The following GALNT17 variants were observed in gnomAD, a reference collection of about 807,000 sequenced individuals.
GALNT17 encodes the protein polypeptide N-acetylgalactosaminyltransferase 17.
Under a neutral mutation model 63.7 loss-of-function variants are expected in GALNT17, and 29 were observed. That is an observed-to-expected ratio of 0.46 (90% CI 0.34 to 0.62). The LOEUF (loss-of-function observed/expected upper bound fraction) is 0.62, where lower values mean the gene tolerates loss of function less well. Among genes scored for constraint, GALNT17 ranks in the 20% least tolerant of loss-of-function variants. The pLI is 0.01. For missense variants in GALNT17, 603 were observed against 799.6 expected, an observed-to-expected ratio of 0.75 and a Z score of 2.97; for synonymous variants, 305 against 318.3, an observed-to-expected ratio of 0.96 and a Z score of 0.45.
chr7:71,251,196 C>T (rs1433743301), intron 1 of GALNT17, among the ~76,000 whole-genome samples: 1 of 148,406 alleles, frequency 6.7e-6, no homozygotes, highest in Non-Finnish European at 1.5e-5. Flanking sequence ...GTGGAGAACT[C>T]TGAAAGAGAA....
At chr7:71,544,853 T>TTG (rs1232262630) in intron 5 of GALNT17, among the ~76,000 whole-genome samples, 1 of 151,660 alleles carries the variant, frequency 6.6e-6, no homozygotes, top group Non-Finnish European at 1.5e-5. Flanking sequence ...AGCTTTAGTT[T>TTG]TTTTTTTTTT....
At chr7:71,707,324 A>G (rs866898381) in intron 9 of GALNT17, among the ~76,000 whole-genome samples, 2 of 152,262 alleles carry the variant, frequency 1.3e-5, no homozygotes, top group Middle Eastern at 6.8e-3. Flanking sequence ...CCTCCCTCTC[A>G]GGAGTGTGAA....
chr7:71,553,368 G>A (rs1789112461), intron 5 of GALNT17, among the ~76,000 whole-genome samples: 1 of 151,646 alleles, frequency 6.6e-6, no homozygotes, highest in African/African-American at 2.4e-5. Context: ...AGTTTTTTTA[G>A]GCTATAGAGT....
chr7:71,225,423 T>A (rs1554341142), intron 1 of GALNT17, among the ~76,000 whole-genome samples: 1 of 152,252 alleles, frequency 6.6e-6, no homozygotes, highest in Non-Finnish European at 1.5e-5. Context: ...TTCTGCTGCA[T>A]AATGGCGGCA....
At chr7:71,232,692 T>G (rs1048269722) in intron 1 of GALNT17, among the ~76,000 whole-genome samples, 1 of 152,134 alleles carries the variant, frequency 6.6e-6, no homozygotes, top group Admixed American at 6.5e-5. Context: ...CCATAGGCAG[T>G]GTGTGGAGTG....
intron 1 of GALNT17, among the ~76,000 whole-genome samples, chr7:71,276,872 C>T (rs923864464): frequency 1.3e-5 from 2 of 152,084 alleles, no homozygotes; most frequent in Non-Finnish European, 2.9e-5. Context: ...GTGGTGGGCA[C>T]CTGTAATCCC....
chr7:71,147,070 C>T (rs547184079), intron 1 of GALNT17, among the ~76,000 whole-genome samples: 29 of 152,276 alleles, frequency 1.9e-4, no homozygotes, highest in African/African-American at 6.5e-4. Context: ...TCTAGGTTTA[C>T]TTTATTTCTA....
chr7:71,668,400 C>T (rs1371863292), intron 7 of GALNT17, among the ~76,000 whole-genome samples: 1 of 150,138 alleles, frequency 6.7e-6, no homozygotes, highest in Non-Finnish European at 1.5e-5. Context: ...CCTTTAATTC[C>T]AGCTACTCGG....
chr7:71,366,250 G>A (rs913510796), intron 2 of GALNT17, among the ~76,000 whole-genome samples: 26 of 152,036 alleles, frequency 1.7e-4, no homozygotes, highest in African/African-American at 5.6e-4. Flanking sequence ...TTGTTCCGAG[G>A]CCTAGGGGTT....
intron 1 of GALNT17, among the ~76,000 whole-genome samples, chr7:71,162,954 G>A (rs564425762): frequency 2.6e-5 from 4 of 152,298 alleles, no homozygotes; most frequent in East Asian, 3.9e-4. Flanking sequence ...CATGGAAGAC[G>A]CACTGTGGAG....
At chr7:71,329,378 A>G (rs1185805309) in intron 1 of GALNT17, among the ~76,000 whole-genome samples, 4 of 152,174 alleles carry the variant, frequency 2.6e-5, no homozygotes, top group South Asian at 2.1e-4. Flanking sequence ...TATTGGACAC[A>G]TTATATGTAT....
At chr7:71,197,508 C>G (rs1034289958) in intron 1 of GALNT17, among the ~76,000 whole-genome samples, 1 of 151,726 alleles carries the variant, frequency 6.6e-6, no homozygotes, top group Non-Finnish European at 1.5e-5. Flanking sequence ...GCGCCTGGCC[C>G]TGTTGTACAT....
chr7:71,242,068 AAG>A (rs370956158), intron 1 of GALNT17, among the ~76,000 whole-genome samples: 5 of 151,084 alleles, frequency 3.3e-5, no homozygotes, highest in African/African-American at 2.4e-5. Flanking sequence ...GAGAGGGAGC[AAG>A]AGAGAGAGAG....
chr7:71,265,108 ATATATATATATTTTTTTT>A (rs1790465596), intron 1 of GALNT17, among the ~76,000 whole-genome samples: 1 of 49,506 alleles, frequency 2.0e-5, no homozygotes, highest in Non-Finnish European at 5.0e-5. Flanking sequence ...TTATATATAT[ATATATATATATTTTTTTT>A]TTTTTTTTTT....
At chr7:71,496,242 C>G (rs939346852) in intron 5 of GALNT17, among the ~76,000 whole-genome samples, 2 of 152,156 alleles carry the variant, frequency 1.3e-5, no homozygotes, top group Non-Finnish European at 1.5e-5. Flanking sequence ...GCCGGGGGAT[C>G]AAGGGAATCC....
At chr7:71,265,358 C>T (rs1443575349) in intron 1 of GALNT17, among the ~76,000 whole-genome samples, 1 of 151,494 alleles carries the variant, frequency 6.6e-6, no homozygotes, top group African/African-American at 2.4e-5. Flanking sequence ...AACTCCTGAC[C>T]TCATGATCTG....
chr7:71,335,783 G>A (rs771904306), intron 2 of GALNT17, 50 bp downstream of exon 2: 3 of 1,407,454 alleles, frequency 2.1e-6, no homozygotes, highest in African/African-American at 2.9e-5. Context: ...GTCAGAGTGG[G>A]TGTAGACCCC....
chr7:71,153,032 C>T (rs986148779), intron 1 of GALNT17, among the ~76,000 whole-genome samples: 6 of 151,984 alleles, frequency 3.9e-5, no homozygotes, highest in African/African-American at 7.2e-5. Flanking sequence ...GACTTCCAGA[C>T]GAGCCAGAGA....
intron 5 of GALNT17, among the ~76,000 whole-genome samples, chr7:71,426,245 C>G (rs1369276761): frequency 6.6e-6 from 1 of 152,178 alleles, no homozygotes; most frequent in Non-Finnish European, 1.5e-5. Context: ...AGCAACATGG[C>G]CAGACTTCCT....
Sources: allele counts gnomAD v4.1 joint callset (sites outside exome capture counted in the v4.1 genomes callset), GRCh38; gene constraint gnomAD v4.1.1; transcripts MANE v1.5; gene names NCBI Gene and HGNC (gene_info 2026-07-23, HGNC 2026-07-21).